The following SCN7A variants were observed in gnomAD, a reference collection of about 807,000 sequenced individuals.
SCN7A encodes sodium voltage-gated channel alpha subunit 7.
SCN7A carries 138 observed loss-of-function variants against 155.2 expected under a neutral mutation model. The ratio of observed to expected loss-of-function variants is 0.89; its 90% CI spans 0.77 to 1.02. SCN7A has a LOEUF of 1.02. Ranked by LOEUF, SCN7A falls within the 50% of genes least tolerant of loss-of-function variation. The pLI, the probability that SCN7A is intolerant of heterozygous loss-of-function variation, is 0.00. For missense variants in SCN7A, 2,058 were observed against 1,986.6 expected (o/e 1.04, Z -0.68); for synonymous variants, 693 against 649.0 (o/e 1.07, Z -1.03).
At chr2:166,449,627 T>A (rs953692953) in intron 11 of SCN7A, among the ~76,000 whole-genome samples, 2 of 152,004 alleles carry the variant, frequency 1.3e-5, no homozygotes, top group Non-Finnish European at 2.9e-5. Context: ...TTTTTTCCAG[T>A]GGGTAAAGTA....
chr2:166,411,462 C>T (rs189808378), intron 23 of SCN7A, among the ~76,000 whole-genome samples: 10 of 149,230 alleles, frequency 6.7e-5, no homozygotes, highest in Non-Finnish European at 1.5e-5. Flanking sequence ...TGCTGGCCTT[C>T]GAATACAAAA....
intron 18 of SCN7A, among the ~76,000 whole-genome samples, chr2:166,423,779 T>C (rs915493330): frequency 3.3e-5 from 5 of 152,136 alleles, no homozygotes; most frequent in African/African-American, 1.2e-4. Context: ...ACATCTGACA[T>C]GGATCTTATA....
intron 21 of SCN7A, 44 bp from the exon 22 acceptor site, chr2:166,413,165 T>C: frequency 2.5e-6 from 3 of 1,193,958 alleles, no homozygotes; most frequent in Non-Finnish European, 3.6e-6. Flanking sequence ...TCCTGGCAAA[T>C]AAAAAGTAAA....
intron 21 of SCN7A, among the ~76,000 whole-genome samples, chr2:166,414,210 GTAAA>G (rs1202057038): frequency 6.3e-4 from 50 of 78,960 alleles, no homozygotes; most frequent in Non-Finnish European, 9.8e-4. Context: ...TTATATATAT[GTAAA>G]TATATATAAA....
chr2:166,456,030 A>G (rs969368334), intron 11 of SCN7A, among the ~76,000 whole-genome samples: 2 of 152,212 alleles, frequency 1.3e-5, no homozygotes, highest in African/African-American at 4.8e-5. Flanking sequence ...TGCAGCCATG[A>G]AAAAGAATGA....
At chr2:166,479,589 A>G (rs1022410737) in intron 2 of SCN7A, among the ~76,000 whole-genome samples, 1 of 151,286 alleles carries the variant, frequency 6.6e-6, no homozygotes, top group Non-Finnish European at 1.5e-5. Flanking sequence ...CTTTTCTTAC[A>G]TCTAAGAATA....
intron 12 of SCN7A, among the ~76,000 whole-genome samples, chr2:166,445,769 C>CGATGGG (rs1172699431): frequency 6.6e-6 from 1 of 151,882 alleles, no homozygotes; most frequent in Non-Finnish European, 1.5e-5. Flanking sequence ...CAAAAACAAG[C>CGATGGG]GATGGGGAAA....
intron 15 of SCN7A, 47 bp from the exon 16 acceptor site, chr2:166,432,799 A>C (rs1161807367): frequency 7.3e-7 from 1 of 1,361,286 alleles, no homozygotes; most frequent in Admixed American, 3.0e-5. Context: ...ATTTTGTTTC[A>C]TTTTAAGTAA....
At chr2:166,412,176 CAGAGAGTAAA>C (rs1472022158) in intron 23 of SCN7A, among the ~76,000 whole-genome samples, 1 of 152,008 alleles carries the variant, frequency 6.6e-6, no homozygotes, top group African/African-American at 2.4e-5. Context: ...TTAAATATAA[CAGAGAGTAAA>C]AGAGTGTTTT....
At chr2:166,456,358 A>G (rs1487175383) in intron 11 of SCN7A, among the ~76,000 whole-genome samples, 1 of 152,164 alleles carries the variant, frequency 6.6e-6, no homozygotes, top group African/African-American at 2.4e-5. Context: ...TATATCCAGT[A>G]TAATAATAAT....
intron 16 of SCN7A, among the ~76,000 whole-genome samples, chr2:166,429,818 G>A (rs1476170529): frequency 6.6e-6 from 1 of 151,968 alleles, no homozygotes; most frequent in Non-Finnish European, 1.5e-5. Context: ...AACAGGCCTG[G>A]GAAAGGGGCA....
At chr2:166,447,573 T>C (rs773887330) in intron 12 of SCN7A, 39 bp downstream of exon 12, 30 of 1,304,426 alleles carry the variant, frequency 2.3e-5, no homozygotes, top group Non-Finnish European at 2.2e-6. Context: ...TTATGAGTAG[T>C]ACCTTCAATA....
chr2:166,487,855 C>A (rs532231900), intron 1 of SCN7A, among the ~76,000 whole-genome samples: 1 of 152,096 alleles, frequency 6.6e-6, no homozygotes, highest in African/African-American at 2.4e-5. Flanking sequence ...AATTTCATTC[C>A]GTGTGCAGCA....
chr2:166,481,938 A>G (rs1702938607), intron 2 of SCN7A, among the ~76,000 whole-genome samples: 1 of 152,182 alleles, frequency 6.6e-6, no homozygotes, highest in Non-Finnish European at 1.5e-5. Context: ...AGATCTTTCT[A>G]ATAGCTGTCA....
intron 6 of SCN7A, 107 bp from the exon 7 acceptor site, chr2:166,470,813 A>T: frequency 1.1e-6 from 1 of 887,122 alleles, no homozygotes; most frequent in South Asian, 2.2e-5. Flanking sequence ...ATATGCAAAC[A>T]TTTCCCTTGA....
intron 20 of SCN7A, among the ~76,000 whole-genome samples, chr2:166,417,682 GATT>G (rs1387307083): frequency 1.3e-5 from 2 of 150,656 alleles, no homozygotes; most frequent in African/African-American, 4.9e-5. Flanking sequence ...GTATGTATGA[GATT>G]ATTTTAAAAT....
At chr2:166,470,183 T>TCCAA (rs993741155) in intron 7 of SCN7A, among the ~76,000 whole-genome samples, 3 of 151,820 alleles carry the variant, frequency 2.0e-5, no homozygotes, top group Non-Finnish European at 2.9e-5. Flanking sequence ...TTGCACCCTA[T>TCCAA]CCAAGCACTC....
At chr2:166,461,048 C>CTTTTTTTTTTTT (rs34717897) in intron 10 of SCN7A, among the ~76,000 whole-genome samples, 1 of 96,704 alleles carries the variant, frequency 1.0e-5, no homozygotes, top group African/African-American at 4.1e-5. Flanking sequence ...GTAATATTTT[C>CTTTTTTTTTTTT]TTTTTTTTTT....
intron 21 of SCN7A, among the ~76,000 whole-genome samples, chr2:166,415,633 A>T (rs1701359639): frequency 6.6e-6 from 1 of 152,142 alleles, no homozygotes; most frequent in Admixed American, 6.6e-5. Context: ...ATTTCATTTT[A>T]ACATGGACAT....
Sources: gnomAD v4.1 joint callset for allele counts (sites outside exome capture counted in the v4.1 genomes callset) on GRCh38, gnomAD v4.1.1 for gene constraint, MANE v1.5 for transcripts, NCBI Gene and HGNC (gene_info 2026-07-23, HGNC 2026-07-21) for gene names.